Variants in GALNT13 observed in about 807,000 individuals in gnomAD.
GALNT13 encodes UDP-GalNAc:polypeptide N-acetylgalactosaminyltransferase 13.
Under a neutral mutation model 64.2 loss-of-function variants are expected in GALNT13, and 28 were observed. The ratio of observed to expected loss-of-function variants is 0.44; its 90% CI spans 0.32 to 0.60. The LOEUF is 0.60. Among genes scored for constraint, GALNT13 ranks in the 20% least tolerant of loss-of-function variants. GALNT13 has a pLI of 0.05. For missense variants in GALNT13, 577 were observed against 669.8 expected, an observed-to-expected ratio of 0.86 and a Z score of 1.53; for synonymous variants, 214 against 224.6, an observed-to-expected ratio of 0.95 and a Z score of 0.42.
chr2:154,151,023 G>C (rs946163265), intron 4 of GALNT13, among the ~76,000 whole-genome samples: 1 of 152,084 alleles, frequency 6.6e-6, no homozygotes, highest in African/African-American at 2.4e-5. Context: ...TGTGATGTTA[G>C]GGGGTCAATT....
At chr2:153,286,265 G>A in the GALNT13 span, among the ~76,000 whole-genome samples, 1 of 152,076 alleles carries the variant, frequency 6.6e-6, no homozygotes, top group Non-Finnish European at 1.5e-5. Flanking sequence ...AGCCAGGCAT[G>A]GAGTTAAGTT....
intron 8 of GALNT13, among the ~76,000 whole-genome samples, chr2:154,299,160 T>C (rs1693273730): frequency 6.7e-6 from 1 of 150,056 alleles, no homozygotes; most frequent in South Asian, 2.1e-4. Flanking sequence ...TTTTTGAAGC[T>C]ATTTGAAAGA....
At chr2:154,169,734 GT>G (rs1052971349) in intron 4 of GALNT13, among the ~76,000 whole-genome samples, 8 of 152,196 alleles carry the variant, frequency 5.3e-5, no homozygotes, top group Admixed American at 5.2e-4. Flanking sequence ...CTCCGGGTAA[GT>G]TTGGTAATAA....
Position 154,110,940 on chromosome 2 carries a change from T to C in GALNT13, c.143-29397T>C, listed in dbSNP as rs568145536. On this transcript the variant is annotated intron_variant, in intron 3 of 12. Coordinates refer to ENST00000392825, the MANE Select transcript of GALNT13 (RefSeq NM_052917.4). ...GCATCAATCCGGAACCCAAATACTATTACATAAAGTTAGCAATACTTAAAT... is the reference window on the plus strand; with the variant it reads ...GCATCAATCCGGAACCCAAATACTACTACATAAAGTTAGCAATACTTAAAT... Among the ~76,000 whole-genome samples the C allele has an allele frequency of 1.8e-3, 276 of 152,246 alleles. 1 individual carries two copies. Among genetic ancestry groups the C allele is most frequent in the South Asian group, 9.1e-3 (44 of 4,822 alleles).
chr2:154,394,077 C>CA (rs369267777), intron 9 of GALNT13, among the ~76,000 whole-genome samples: 1,882 of 31,964 alleles, frequency 0.059, 531 homozygotes, highest in East Asian at 0.28. Context: ...GACTCCGTCT[C>CA]AAAAAAAAAA....
the GALNT13 span, among the ~76,000 whole-genome samples, chr2:153,516,421 A>G: frequency 7.2e-5 from 11 of 152,286 alleles, no homozygotes; most frequent in South Asian, 2.3e-3. Context: ...TGCAACAGCT[A>G]GGAATGGGAG....
the GALNT13 span, among the ~76,000 whole-genome samples, chr2:153,544,346 A>G: frequency 1.3e-5 from 2 of 152,170 alleles, no homozygotes; most frequent in South Asian, 4.1e-4. Flanking sequence ...TTGCTTCTTG[A>G]TCTCTCCTTG....
chr2:154,060,557 T>C (rs1700123886), intron 3 of GALNT13, among the ~76,000 whole-genome samples: 1 of 152,126 alleles, frequency 6.6e-6, no homozygotes, highest in Admixed American at 6.5e-5. Flanking sequence ...AGTTTCACCA[T>C]GTTGTTCAGG....
the GALNT13 span, among the ~76,000 whole-genome samples, chr2:153,693,518 T>C: frequency 1.3e-5 from 2 of 151,992 alleles, no homozygotes; most frequent in Non-Finnish European, 2.9e-5. Context: ...GATTTAAAGG[T>C]TTATTTTGCC....
the GALNT13 span, among the ~76,000 whole-genome samples, chr2:153,460,500 A>T: frequency 1.6e-4 from 25 of 152,132 alleles, no homozygotes; most frequent in African/African-American, 6.0e-4. Flanking sequence ...GAAGACCATC[A>T]TTATTCCGAT....
At chr2:153,598,060 T>G in the GALNT13 span, among the ~76,000 whole-genome samples, 1 of 152,086 alleles carries the variant, frequency 6.6e-6, no homozygotes, top group Non-Finnish European at 1.5e-5. Context: ...TTTATAAATA[T>G]GAAGTATAAA....
the GALNT13 span, among the ~76,000 whole-genome samples, chr2:153,432,951 T>A: frequency 6.6e-6 from 1 of 152,124 alleles, no homozygotes; most frequent in Non-Finnish European, 1.5e-5. Context: ...TCTTTTATTT[T>A]TTCTTCTTGG....
At chr2:154,374,930 C>T (rs1697896244) in intron 9 of GALNT13, among the ~76,000 whole-genome samples, 1 of 152,142 alleles carries the variant, frequency 6.6e-6, no homozygotes, top group South Asian at 2.1e-4. Flanking sequence ...ATTTAGAATA[C>T]AGTCATTCAT....
At chr2:154,037,874 C>G (rs1404724885) in intron 3 of GALNT13, among the ~76,000 whole-genome samples, 1 of 152,106 alleles carries the variant, frequency 6.6e-6, no homozygotes, top group African/African-American at 2.4e-5. Context: ...TGTAAGATGA[C>G]TAGGCACAGT....
chr2:154,318,022 C>T (rs1694416602), intron 9 of GALNT13, among the ~76,000 whole-genome samples: 1 of 151,836 alleles, frequency 6.6e-6, no homozygotes, highest in Admixed American at 6.6e-5. Flanking sequence ...TTTCTTGATA[C>T]ACAAGACAAA....
the GALNT13 span, among the ~76,000 whole-genome samples, chr2:153,537,663 G>A: frequency 4.6e-5 from 7 of 152,122 alleles, no homozygotes; most frequent in Non-Finnish European, 1.5e-5. Context: ...GGTGGGAAGG[G>A]ATTCGCTTGT....
At chr2:153,707,068 T>C in the GALNT13 span, among the ~76,000 whole-genome samples, 1 of 152,172 alleles carries the variant, frequency 6.6e-6, no homozygotes, top group Non-Finnish European at 1.5e-5. Context: ...TTCTCTTTCT[T>C]TGCCTGCTGC....
chr2:153,202,763 T>A, the GALNT13 span, among the ~76,000 whole-genome samples: 10 of 152,216 alleles, frequency 6.6e-5, no homozygotes, highest in African/African-American at 2.4e-4. Flanking sequence ...AGAATAGGTG[T>A]AAATAGTAAA....
At chr2:153,924,459 G>C (rs1362733157) in intron 2 of GALNT13, among the ~76,000 whole-genome samples, 2 of 151,966 alleles carry the variant, frequency 1.3e-5, no homozygotes, top group African/African-American at 4.8e-5. Context: ...CCAGTCTATT[G>C]TTGATAGACA....
Sources: gnomAD v4.1 joint callset for allele counts (sites outside exome capture counted in the v4.1 genomes callset) on GRCh38, gnomAD v4.1.1 for gene constraint, MANE v1.5 for transcripts, NCBI Gene and HGNC (gene_info 2026-07-23, HGNC 2026-07-21) for gene names.